The following NRXN1 variants were observed in gnomAD, a reference collection of about 807,000 sequenced individuals.
The protein encoded by NRXN1 is neurexin-1.
In NRXN1, 39 loss-of-function variants were observed where a neutral mutation model predicts 150.9. The observed-to-expected ratio is 0.26, with a 90% CI of 0.20 to 0.34. The LOEUF is 0.34. NRXN1 is among the 10% of genes least tolerant of loss of function. The probability of loss-of-function intolerance (pLI) is 1.00; values close to 1 mark genes in which losing one functional copy is unlikely to be tolerated. For synonymous variants in NRXN1, 924 were observed against 757.0 expected, an observed-to-expected ratio of 1.22 and a Z score of -3.62; for missense variants, 1,815 against 1,949.9, an observed-to-expected ratio of 0.93 and a Z score of 1.30.
At chr2:50,553,782 AAGG>A (rs1471336247) in intron 8 of NRXN1, among the ~76,000 whole-genome samples, 4 of 152,176 alleles carry the variant, frequency 2.6e-5, no homozygotes, top group Admixed American at 1.3e-4. Flanking sequence ...CTCATTTTCC[AAGG>A]CACTTCAGTG....
intron 5 of NRXN1, among the ~76,000 whole-genome samples, chr2:50,691,806 ATC>A (rs950512954): frequency 4.9e-4 from 74 of 152,108 alleles, no homozygotes; most frequent in African/African-American, 1.7e-3. Context: ...TCCATAGAAA[ATC>A]TCTCATTCAC....
chr2:50,868,480 T>C (rs867580912), intron 5 of NRXN1, among the ~76,000 whole-genome samples: 23 of 151,516 alleles, frequency 1.5e-4, no homozygotes, highest in Non-Finnish European at 2.2e-4. Context: ...GTGATGGTTA[T>C]ACTAAAAGCC....
At chr2:50,525,157 G>A (rs1479297907) in intron 12 of NRXN1, among the ~76,000 whole-genome samples, 1 of 152,162 alleles carries the variant, frequency 6.6e-6, no homozygotes, top group Non-Finnish European at 1.5e-5. Context: ...GCAAGAGACT[G>A]TAAAACAGTC....
At chr2:50,731,859 G>A (rs934361811) in intron 5 of NRXN1, among the ~76,000 whole-genome samples, 29 of 152,098 alleles carry the variant, frequency 1.9e-4, no homozygotes, top group African/African-American at 6.5e-4. Context: ...ATTTGCATTA[G>A]GCATGCCTTG....
intron 17 of NRXN1, among the ~76,000 whole-genome samples, chr2:50,348,744 T>TG (rs2078217441): frequency 6.6e-6 from 1 of 152,184 alleles, no homozygotes; most frequent in Admixed American, 6.5e-5. Flanking sequence ...CCACAGGCAC[T>TG]GGATGCTGGT....
chr2:50,276,852 G>C (rs2070544579), intron 17 of NRXN1, among the ~76,000 whole-genome samples: 1 of 152,052 alleles, frequency 6.6e-6, no homozygotes, highest in African/African-American at 2.4e-5. Flanking sequence ...TGCTATTTAT[G>C]CCAAATTTGA....
At chr2:50,267,699 C>T (rs1467497689) in intron 17 of NRXN1, among the ~76,000 whole-genome samples, 7 of 152,146 alleles carry the variant, frequency 4.6e-5, no homozygotes, top group African/African-American at 1.7e-4. Flanking sequence ...GAAAATCTTA[C>T]ACACTGGATA....
rs566320767 is a variant in NRXN1 at position 50,695,447 on chromosome 2, T to A, written c.833-71832A>T. 5.9e-5 allele frequency among the ~76,000 whole-genome samples: 9 copies of A among 152,292 alleles called. No individual in the cohort carries two copies. The South Asian group carries it at 1.9e-3, about 32-fold the overall frequency. Reference sequence around the variant, plus strand: ...GCTCCAGGTAGCCCTGCCTCATAGATCCTGGGTTCTATTAACTATGGGTAA... The same window carrying A: ...GCTCCAGGTAGCCCTGCCTCATAGAACCTGGGTTCTATTAACTATGGGTAA... On this transcript the variant is annotated intron_variant, in intron 5 of 22. Transcript: ENST00000401669.
At chr2:50,828,316 G>GT (rs374075168) in intron 5 of NRXN1, among the ~76,000 whole-genome samples, 16 of 26,626 alleles carry the variant, frequency 6.0e-4, no homozygotes, top group Admixed American at 1.9e-3. Context: ...CTGGCCGGGA[G>GT]GGGGCTGAAC....
intron 5 of NRXN1, among the ~76,000 whole-genome samples, chr2:50,726,621 A>G (rs858946): frequency 0.91 from 138,884 of 152,206 alleles, 63,573 homozygotes; most frequent in African/African-American, 0.98. Context: ...ACTGAGTCAC[A>G]GAAAGGCAAA....
chr2:50,958,866 A>C (rs890810901), intron 2 of NRXN1, among the ~76,000 whole-genome samples: 1 of 152,102 alleles, frequency 6.6e-6, no homozygotes, highest in South Asian at 2.1e-4. Flanking sequence ...AAGTTGAGGA[A>C]CTGTCCTTCT....
intron 5 of NRXN1, among the ~76,000 whole-genome samples, chr2:50,644,783 T>A (rs1477755950): frequency 4.8e-5 from 7 of 146,434 alleles, no homozygotes; most frequent in African/African-American, 1.0e-4. Context: ...ATTTTGCATA[T>A]GTATATAAAA....
At chr2:50,251,395 T>G (rs994278531) in intron 17 of NRXN1, among the ~76,000 whole-genome samples, 1 of 152,162 alleles carries the variant, frequency 6.6e-6, no homozygotes, top group East Asian at 1.9e-4. Flanking sequence ...TATTCCATAG[T>G]GTAATGTATC....
At position 50,929,160 on chromosome 2, in the gene NRXN1, A is replaced by AG. The variant is rs1332085341; in HGVS notation, c.773-3206_773-3205insC. On this transcript the variant is annotated intron_variant, in intron 2 of 22. Transcript: ENST00000401669. ...TATCTTCGGCCCCCAGCTTATAAGAATGCAAGGACAGTAACTTTAGTTTAT... is the reference window on the plus strand; with the variant it reads ...TATCTTCGGCCCCCAGCTTATAAGAAGTGCAAGGACAGTAACTTTAGTTTAT... 8.5e-5 allele frequency among the ~76,000 whole-genome samples: 13 copies of AG among 152,180 alleles called. No individual in the cohort carries two copies. In the East Asian group the frequency reaches 2.5e-3, roughly 30 times the overall value.
intron 5 of NRXN1, among the ~76,000 whole-genome samples, chr2:50,787,916 A>G (rs1705363915): frequency 6.6e-6 from 1 of 152,050 alleles, no homozygotes; most frequent in Non-Finnish European, 1.5e-5. Flanking sequence ...TCAGCATGTC[A>G]TAAGGATTAA....
At chr2:51,017,259 A>T (rs563574413) in intron 2 of NRXN1, among the ~76,000 whole-genome samples, 3 of 152,164 alleles carry the variant, frequency 2.0e-5, no homozygotes, top group East Asian at 1.9e-4. Flanking sequence ...ATAATTTAAA[A>T]AAATAAATAA....
chr2:50,554,109 A>G (rs1275153927), intron 8 of NRXN1, among the ~76,000 whole-genome samples: 1 of 152,148 alleles, frequency 6.6e-6, no homozygotes, highest in South Asian at 2.1e-4. Flanking sequence ...AAAGCTCCCA[A>G]CATTGCTAGA....
intron 18 of NRXN1, among the ~76,000 whole-genome samples, chr2:50,223,860 G>A (rs2064114352): frequency 6.6e-6 from 1 of 151,920 alleles, no homozygotes; most frequent in Admixed American, 6.6e-5. Flanking sequence ...GGTGAAGGCT[G>A]AAAGTCATGG....
chr2:50,869,135 T>C (rs71411517), intron 5 of NRXN1, among the ~76,000 whole-genome samples: 1,785 of 151,884 alleles, frequency 0.012, 15 homozygotes, highest in Middle Eastern at 0.024. Context: ...CTTGCTGACA[T>C]GTGATCTCTT....
Sources: gnomAD v4.1 joint callset for allele counts (sites outside exome capture counted in the v4.1 genomes callset) on GRCh38, gnomAD v4.1.1 for gene constraint, MANE v1.5 for transcripts, NCBI Gene and HGNC (gene_info 2026-07-23, HGNC 2026-07-21) for gene names.